The following CDKL3 variants were observed in gnomAD, a reference collection of about 807,000 sequenced individuals.
CDKL3 encodes cyclin-dependent kinase-like 3.
CDKL3 carries 65 observed loss-of-function variants against 69.3 expected under a neutral mutation model. The observed-to-expected ratio is 0.94, with a 90% CI of 0.77 to 1.15. The LOEUF is 1.15. Ranked by LOEUF, CDKL3 falls within the 50% of genes most tolerant of loss-of-function variation. The pLI, the probability that CDKL3 is intolerant of heterozygous loss-of-function variation, is 0.00. For missense variants in CDKL3, 652 were observed against 689.2 expected (o/e 0.95, Z 0.61); for synonymous variants, 202 against 221.6 (o/e 0.91, Z 0.79).
intron 3 of CDKL3, among the ~76,000 whole-genome samples, chr5:134,350,835 A>G (rs1753095951): frequency 6.7e-6 from 1 of 148,984 alleles, no homozygotes; most frequent in East Asian, 1.9e-4. Flanking sequence ...AAAAAAGAAA[A>G]AAAAAAAAAG....
intron 8 of CDKL3, among the ~76,000 whole-genome samples, chr5:134,290,979 T>C (rs1765103289): frequency 6.6e-6 from 1 of 152,118 alleles, no homozygotes; most frequent in Non-Finnish European, 1.5e-5. Context: ...ATGTTGTGAA[T>C]AGCAGTGAAG....
intron 10 of CDKL3, 56 bp downstream of exon 10, chr5:134,306,553 A>G (rs1429943821): frequency 2.9e-6 from 3 of 1,038,236 alleles, no homozygotes; most frequent in East Asian, 2.4e-5. Context: ...AGAGAAAAGG[A>G]AAAAAGAAGT....
At chr5:134,341,252 T>C (rs1750414180) in intron 4 of CDKL3, among the ~76,000 whole-genome samples, 2 of 152,174 alleles carry the variant, frequency 1.3e-5, no homozygotes, top group Admixed American at 6.5e-5. Context: ...GACTGAATGA[T>C]TTCCCGATAA....
downstream of CDKL3, among the ~76,000 whole-genome samples, chr5:134,284,370 C>T (rs913483237): frequency 5.3e-5 from 8 of 152,006 alleles, no homozygotes; most frequent in Non-Finnish European, 5.9e-5. Flanking sequence ...GAGGGGGATA[C>T]GAACAGGGAG....
intron 8 of CDKL3, 26 bp downstream of exon 8, chr5:134,308,548 G>T: frequency 6.4e-7 from 1 of 1,560,968 alleles, no homozygotes; most frequent in East Asian, 2.2e-5. Context: ...AATTATACTG[G>T]CTGAAACAAA....
chr5:134,340,721 T>A (rs944325358), intron 4 of CDKL3, among the ~76,000 whole-genome samples: 16 of 152,218 alleles, frequency 1.1e-4, no homozygotes, highest in Middle Eastern at 6.8e-3. Flanking sequence ...ATGATTTTTT[T>A]AAAAAACTAC....
At chr5:134,284,696 C>T (rs1764779216), downstream of CDKL3, among the ~76,000 whole-genome samples, 1 of 152,188 alleles carries the variant, frequency 6.6e-6, no homozygotes, top group African/African-American at 2.4e-5. Context: ...TTAGAGACCT[C>T]CCCCTGGGAA....
At chr5:134,289,486 T>G (rs1765028724) in intron 8 of CDKL3, among the ~76,000 whole-genome samples, 1 of 152,230 alleles carries the variant, frequency 6.6e-6, no homozygotes, top group Non-Finnish European at 1.5e-5. Flanking sequence ...AAATGTTGCC[T>G]GAAATGTGTA....
chr5:134,349,858 G>A (rs1394693549), intron 4 of CDKL3, among the ~76,000 whole-genome samples: 1 of 152,204 alleles, frequency 6.6e-6, no homozygotes, highest in East Asian at 1.9e-4. Context: ...AGTATTAGGG[G>A]TGACAGATAT....
At chr5:134,366,646 T>C in intron 1 of CDKL3, 102 bp from the exon 2 acceptor site, 1 of 744,110 alleles carries the variant, frequency 1.3e-6, no homozygotes. Flanking sequence ...CAGTCTCAAA[T>C]ATAGAGACAT....
At chr5:134,371,510 A>G, upstream of CDKL3, 13 of 1,499,416 alleles carry the variant, frequency 8.7e-6, no homozygotes, top group Non-Finnish European at 1.1e-5. Context: ...GCGGCGATCC[A>G]CAGTGATTCG....
At chr5:134,319,050 G>T in intron 6 of CDKL3, 1 of 188,250 alleles carries the variant, frequency 5.3e-6, no homozygotes, top group Non-Finnish European at 1.1e-5. Flanking sequence ...CCTGGGTGCG[G>T]TGACTCATGC....
At chr5:134,366,310 A>T in intron 2 of CDKL3, 49 bp downstream of exon 2, 1 of 1,363,598 alleles carries the variant, frequency 7.3e-7, no homozygotes, top group Non-Finnish European at 9.9e-7. Flanking sequence ...TTTTTATTCC[A>T]TAACAATTTT....
downstream of CDKL3, among the ~76,000 whole-genome samples, chr5:134,297,489 G>C (rs1284763055): frequency 1.3e-5 from 2 of 151,974 alleles, no homozygotes; most frequent in African/African-American, 2.4e-5. Context: ...GACCAGAGAT[G>C]CTGCTAAATT....
chr5:134,295,287 G>C (rs1765301230), downstream of CDKL3, among the ~76,000 whole-genome samples: 1 of 152,034 alleles, frequency 6.6e-6, no homozygotes, highest in South Asian at 2.1e-4. Context: ...GAAATGCCAG[G>C]ATGACAGGTG....
At chr5:134,338,650 T>G (rs1777662607) in intron 4 of CDKL3, among the ~76,000 whole-genome samples, 1 of 152,092 alleles carries the variant, frequency 6.6e-6, no homozygotes, top group South Asian at 2.1e-4. Context: ...GAGCCAAGAT[T>G]GCCCTGCTGC....
chr5:134,312,462 GAAGT>G (rs1312608660), intron 6 of CDKL3, 82 bp from the exon 7 acceptor site: 17 of 741,070 alleles, frequency 2.3e-5, no homozygotes, highest in South Asian at 1.9e-4. Context: ...GACAAATTAA[GAAGT>G]AAGTAATTAT....
chr5:134,332,372 C>G (rs1443941076), intron 4 of CDKL3, among the ~76,000 whole-genome samples: 16 of 152,120 alleles, frequency 1.1e-4, no homozygotes, highest in Admixed American at 1.0e-3. Flanking sequence ...TTTGCCCATG[C>G]CTATGTCCTG....
At position 134,359,930 on chromosome 5, in the gene CDKL3, G is replaced by A; in HGVS notation, c.327C>T (p.Ile109=). The A allele has an allele frequency of 6.3e-7, 1 of 1,587,118 alleles. No individual in the cohort carries two copies. The highest frequency in any genetic ancestry group is 8.6e-7 in the Non-Finnish European group (1 of 1,166,014). ...TGTGAAGATAGTCAATTGCTCGAAG[G>A]ATCTGGAAGAGGTATTTTCTAAGTC... is the stretch of plus-strand genomic sequence containing the variant. ...SKRLRKYLFQ[I]LRAIDYLHSN... is the part of the protein sequence containing the mutation. Residue 109 remains isoleucine (I), a synonymous_variant, in exon 3 of 13, where the codon ATC becomes ATT. Coordinates refer to ENST00000265334, the MANE Select transcript of CDKL3 (RefSeq NM_001113575.2).
Sources: gnomAD v4.1 joint callset for allele counts (sites outside exome capture counted in the v4.1 genomes callset) on GRCh38, gnomAD v4.1.1 for gene constraint, MANE v1.5 for transcripts, NCBI Gene and HGNC (gene_info 2026-07-23, HGNC 2026-07-21) for gene names.